The following NKAIN3 variants were observed in gnomAD, a reference collection of about 807,000 sequenced individuals.
The protein encoded by NKAIN3 is sodium/potassium transporting ATPase interacting 3, also known as sodium/potassium-transporting ATPase subunit beta-1-interacting protein 3.
Under a neutral mutation model 30.2 loss-of-function variants are expected in NKAIN3, and 25 were observed. That is an observed-to-expected ratio of 0.83 (90% CI 0.60 to 1.16). NKAIN3 has a LOEUF of 1.16. Ranked by LOEUF, NKAIN3 falls within the 50% of genes most tolerant of loss-of-function variation. The probability of loss-of-function intolerance (pLI) is 0.00; values close to 1 mark genes in which losing one functional copy is unlikely to be tolerated. For synonymous variants in NKAIN3, 91 were observed against 89.6 expected, an observed-to-expected ratio of 1.02 and a Z score of -0.09; for missense variants, 225 against 254.1, an observed-to-expected ratio of 0.89 and a Z score of 0.78.
At chr8:62,465,907 C>G (rs1193088302) in intron 1 of NKAIN3, among the ~76,000 whole-genome samples, 3 of 152,058 alleles carry the variant, frequency 2.0e-5, no homozygotes, top group African/African-American at 4.8e-5. Context: ...CCTGTAATCC[C>G]AGCTACTTGG....
At chr8:62,856,873 T>C in intron 4 of NKAIN3, 1 of 591,286 alleles carries the variant, frequency 1.7e-6, no homozygotes, top group Non-Finnish European at 3.2e-6. Context: ...CTTACTGATG[T>C]ACACACTTTG....
chr8:62,848,628 C>T (rs188287592), intron 4 of NKAIN3, among the ~76,000 whole-genome samples: 2 of 152,280 alleles, frequency 1.3e-5, no homozygotes, highest in East Asian at 3.9e-4. Context: ...GATAGTTTGA[C>T]TTCCTCTCTT....
In NKAIN3 at chr8:62,981,165, C is replaced by G. The variant is rs1256166696; in HGVS notation, c.*15758C>G. 1.3e-5 allele frequency: 2 copies of G among 152,166 alleles called. No individual in the cohort carries two copies. The highest frequency in any genetic ancestry group is 4.8e-5 in the African/African-American group (2 of 41,426). The allele number at this position is 152,166 out of a possible 1,614,324, so 9.4% of individuals were successfully genotyped here. ...TTCAGTGCTCATGGCCATCTACAAC[C>G]TTCCTTGATTCTATTCTGCCTAAGC... On this transcript the variant is annotated 3_prime_UTR_variant, in exon 7 of 7. Coordinates refer to ENST00000623646, the MANE Select transcript of NKAIN3 (RefSeq NM_001304533.3).
intron 3 of NKAIN3, among the ~76,000 whole-genome samples, chr8:62,606,314 G>GA (rs1223951793): frequency 1.3e-5 from 2 of 151,870 alleles, no homozygotes; most frequent in East Asian, 1.9e-4. Context: ...CACAGTTCGG[G>GA]AAAAAATGCT....
chr8:62,828,826 A>C (rs1287120529), intron 4 of NKAIN3, among the ~76,000 whole-genome samples: 1 of 152,190 alleles, frequency 6.6e-6, no homozygotes, highest in African/African-American at 2.4e-5. Context: ...TCATGAAGAA[A>C]GAAACTAAGA....
At chr8:62,489,002 C>G (rs16929037) in intron 1 of NKAIN3, among the ~76,000 whole-genome samples, 6,055 of 152,142 alleles carry the variant, frequency 0.04, 143 homozygotes, top group Middle Eastern at 0.065. Flanking sequence ...TATTATTATT[C>G]CATTTATCAT....
At chr8:62,320,446 G>T (rs1028816553) in intron 1 of NKAIN3, among the ~76,000 whole-genome samples, 1 of 152,084 alleles carries the variant, frequency 6.6e-6, no homozygotes, top group Non-Finnish European at 1.5e-5. Context: ...TTTACAATTT[G>T]GCATGTTTTT....
intron 4 of NKAIN3, among the ~76,000 whole-genome samples, chr8:62,895,940 C>G (rs980807645): frequency 6.6e-6 from 1 of 151,770 alleles, no homozygotes; most frequent in Non-Finnish European, 1.5e-5. Flanking sequence ...TCATTAAAAC[C>G]AAAAACTCTG....
intron 4 of NKAIN3, among the ~76,000 whole-genome samples, chr8:62,794,846 G>C (rs62512419): frequency 0.19 from 29,557 of 152,052 alleles, 3,297 homozygotes; most frequent in African/African-American, 0.29. Flanking sequence ...TGTAGCTGAA[G>C]AGCACAGCAC....
rs547578263 is a variant in NKAIN3, at chr8:62,955,485, A to G, written c.603+1513A>G. Among the ~76,000 whole-genome samples, 8 of 152,212 alleles carry G rather than the reference A, an allele frequency of 5.3e-5. No individual in the cohort carries two copies. In the South Asian group the frequency reaches 1.7e-3, roughly 32 times the overall value. On this transcript the variant is annotated intron_variant, in intron 6 of 6. Coordinates refer to ENST00000623646, the MANE Select transcript of NKAIN3 (RefSeq NM_001304533.3). ...GTGGTGACTTAAAGAGTCTTCATAT[A>G]TTTGTTATGTGATAAGAGGATGATG...
rs374776675 is a variant in NKAIN3 at position 62,464,974 on chromosome 8, G to T, written c.55-114565G>T. Among the ~76,000 whole-genome samples the T allele has an allele frequency of 5.8e-4, 89 of 152,236 alleles. 3 individuals carry two copies. In the South Asian group the frequency reaches 0.017, roughly 30 times the overall value. On this transcript the variant is annotated intron_variant, in intron 1 of 6. Coordinates refer to ENST00000623646, the MANE Select transcript of NKAIN3 (RefSeq NM_001304533.3). ...AATGTACTGAGCTTAGCATGTAGAA[G>T]GAGTTTTCTTATGCTATATCCTAAG...
intron 3 of NKAIN3, among the ~76,000 whole-genome samples, chr8:62,615,017 G>T (rs1486195222): frequency 6.6e-6 from 1 of 152,166 alleles, no homozygotes; most frequent in Non-Finnish European, 1.5e-5. Flanking sequence ...GGTACCTAAG[G>T]TGCAAGACAA....
chr8:62,525,953 C>T (rs1183225294), intron 1 of NKAIN3, among the ~76,000 whole-genome samples: 1 of 152,132 alleles, frequency 6.6e-6, no homozygotes, highest in Non-Finnish European at 1.5e-5. Context: ...AGTTACAACA[C>T]GGTTTTTTAG....
chr8:62,767,273 A>G (rs1416151235), intron 4 of NKAIN3, among the ~76,000 whole-genome samples: 1 of 152,174 alleles, frequency 6.6e-6, no homozygotes, highest in Non-Finnish European at 1.5e-5. Context: ...GAATAGTCAT[A>G]TGAGATAAAC....
chr8:62,931,470 A>G (rs1822617169), intron 5 of NKAIN3, among the ~76,000 whole-genome samples: 1 of 152,220 alleles, frequency 6.6e-6, no homozygotes, highest in Non-Finnish European at 1.5e-5. Context: ...CTGAAATAGT[A>G]TTAACACTAT....
At chr8:62,939,247 T>G (rs921566081) in intron 5 of NKAIN3, among the ~76,000 whole-genome samples, 4 of 152,264 alleles carry the variant, frequency 2.6e-5, no homozygotes, top group Admixed American at 2.6e-4. Context: ...CTACGAAGTT[T>G]GGGATTATGT....
chr8:62,555,927 A>G (rs541131007), intron 1 of NKAIN3, among the ~76,000 whole-genome samples: 34 of 152,186 alleles, frequency 2.2e-4, no homozygotes, highest in African/African-American at 8.2e-4. Context: ...TACAGAAATT[A>G]AAATGTGCCT....
chr8:62,877,914 C>A (rs781624080), intron 4 of NKAIN3, among the ~76,000 whole-genome samples: 2 of 151,884 alleles, frequency 1.3e-5, no homozygotes, highest in African/African-American at 4.8e-5. Flanking sequence ...GTGGCACATG[C>A]CTGTAATCTC....
intron 5 of NKAIN3, among the ~76,000 whole-genome samples, chr8:62,920,563 C>A (rs914582221): frequency 6.6e-6 from 1 of 152,146 alleles, no homozygotes; most frequent in Non-Finnish European, 1.5e-5. Flanking sequence ...TTGTTCACTG[C>A]CAGATATCGT....
Sources: allele counts gnomAD v4.1 joint callset (sites outside exome capture counted in the v4.1 genomes callset), GRCh38; gene constraint gnomAD v4.1.1; transcripts MANE v1.5; gene names NCBI Gene and HGNC (gene_info 2026-07-23, HGNC 2026-07-21).